Variants in ZFAND2A observed in about 807,000 individuals in gnomAD.
ZFAND2A encodes zinc finger AN1-type containing 2A.
A neutral mutation model predicts 11.6 loss-of-function variants in ZFAND2A; 20 were observed. The ratio of observed to expected loss-of-function variants is 1.72; its 90% CI spans 1.21 to 2.50. The LOEUF is 2.50. Among genes scored for constraint, ZFAND2A ranks in the 30% most tolerant of loss-of-function variants. The pLI, the probability that ZFAND2A is intolerant of heterozygous loss-of-function variation, is 0.00. For synonymous variants in ZFAND2A, 93 were observed against 60.6 expected (o/e 1.54, Z -2.48); for missense variants, 234 against 182.9 (o/e 1.28, Z -1.61).
downstream of ZFAND2A, among the ~76,000 whole-genome samples, chr7:1,150,014 G>A (rs1347171797): frequency 3.3e-5 from 5 of 151,872 alleles, no homozygotes; most frequent in Admixed American, 6.6e-5. Flanking sequence ...CACCACGCCC[G>A]GCTAATTTTT....
Position 1,152,981 on chromosome 7 carries a change from GCTCAATGGGGCTCCA to G in ZFAND2A, c.*73_*87del, listed in dbSNP as rs769831181. On this transcript the variant is annotated 3_prime_UTR_variant, in exon 5 of 5. Coordinates refer to ENST00000316495, the MANE Select transcript of ZFAND2A (RefSeq NM_182491.4). ...AGATCAGCAGCCAGTGTGGGATGGT[GCTCAATGGGGCTCCA>G]CTTCCCACTAGAGTGTAAGCTGCTT... The G allele has an allele frequency of 6.5e-7, 1 of 1,542,088 alleles. No homozygotes were observed. The highest frequency in any genetic ancestry group is 1.2e-5 in the South Asian group (1 of 86,522).
downstream of ZFAND2A, chr7:1,152,288 G>A (rs766004987): frequency 4.6e-5 from 73 of 1,585,294 alleles, no homozygotes; most frequent in Non-Finnish European, 5.3e-5. Context: ...CCCGCCAGGA[G>A]CCAGGGTGAG....
In ZFAND2A at chr7:1,155,698, G is replaced by A. The variant is rs79673567; in HGVS notation, c.151-114C>T. ...TAAACACAAAGAGAGGACAAAAACC[G>A]GTCTCCCGAGCCCTCCGAGAACAAA... On this transcript the variant is annotated intron_variant, in intron 3 of 4. Coordinates refer to ENST00000316495, the MANE Select transcript of ZFAND2A (RefSeq NM_182491.4). The A allele has an allele frequency of 0.02, 27,446 of 1,379,066 alleles. 1,143 individuals carry two copies. The East Asian group carries it at 0.2, about 10-fold the overall frequency. The allele number at this position is 1,379,066 out of a possible 1,614,324, so 85.4% of individuals were successfully genotyped here.
intron 2 of ZFAND2A, 102 bp downstream of exon 2, chr7:1,158,056 G>C: frequency 8.5e-7 from 1 of 1,170,726 alleles, no homozygotes; most frequent in Non-Finnish European, 1.3e-6. Context: ...CCAATACTGA[G>C]GAGCCAGGAA....
chr7:1,150,934 C>G (rs1164060999), downstream of ZFAND2A, among the ~76,000 whole-genome samples: 1 of 146,516 alleles, frequency 6.8e-6, no homozygotes, highest in Non-Finnish European at 1.5e-5. Context: ...GTTGCCCAGG[C>G]TGGAGTGCAG....
At chr7:1,158,281 G>C in intron 1 of ZFAND2A, 24 bp from the exon 2 acceptor site, 1 of 1,476,832 alleles carries the variant, frequency 6.8e-7, no homozygotes. Context: ...AGAATAGTTA[G>C]GAGGAAAGCT....
intron 1 of ZFAND2A, among the ~76,000 whole-genome samples, chr7:1,158,905 T>C (rs986722835): frequency 4.6e-5 from 7 of 152,090 alleles, no homozygotes; most frequent in African/African-American, 1.4e-4. Flanking sequence ...TTCCTGGGGC[T>C]CACGAGGTCC....
At chr7:1,153,953 GA>G (rs201850008) in intron 4 of ZFAND2A, among the ~76,000 whole-genome samples, 3 of 146,580 alleles carry the variant, frequency 2.0e-5, no homozygotes, top group Non-Finnish European at 3.0e-5. Flanking sequence ...TAAAAAGAAA[GA>G]AAAAAAAAAG....
intron 3 of ZFAND2A, 72 bp from the exon 4 acceptor site, chr7:1,155,656 C>CA: frequency 6.4e-7 from 1 of 1,563,882 alleles, no homozygotes; most frequent in Admixed American, 1.8e-5. Context: ...TAAACGAGTA[C>CA]TCCTGTGCGG....
In ZFAND2A at chr7:1,153,578, T is replaced by TG. The variant is rs1275675211; in HGVS notation, c.283-355_283-354insC. Reference sequence around the variant, plus strand: ...ACAGCCTCCGGTAAGAACATTCCCATTTAAACTGGACACAGTTCCTGTCTG... The same window carrying TG: ...ACAGCCTCCGGTAAGAACATTCCCATGTTAAACTGGACACAGTTCCTGTCTG... On this transcript the variant is annotated intron_variant, in intron 4 of 4. Coordinates refer to ENST00000316495, the MANE Select transcript of ZFAND2A (RefSeq NM_182491.4). Among the ~76,000 whole-genome samples, 19 of 152,302 alleles carry TG rather than the reference T, an allele frequency of 1.2e-4. No homozygotes were observed. In the East Asian group the frequency reaches 3.7e-3, roughly 29 times the overall value.
downstream of ZFAND2A, among the ~76,000 whole-genome samples, chr7:1,149,909 A>G (rs1284015179): frequency 6.7e-6 from 1 of 150,130 alleles, no homozygotes; most frequent in East Asian, 2.0e-4. Context: ...CTGGAGTGCA[A>G]TGGCACGATC....
rs78571969 is a variant in ZFAND2A, at chr7:1,153,044, C to T, written c.*25G>A. 0.016 allele frequency: 26,143 copies of T among 1,613,902 alleles called. 255 individuals carry two copies. The highest frequency in any genetic ancestry group is 0.019 in the Non-Finnish European group (21,841 of 1,179,888). ...CTTCCACGCATGCTACTGCGTGCTC[C>T]GAGCCATCGCAGCGGAGTCTCTTCT... On this transcript the variant is annotated 3_prime_UTR_variant, in exon 5 of 5. Coordinates refer to ENST00000316495, the MANE Select transcript of ZFAND2A (RefSeq NM_182491.4).
intron 4 of ZFAND2A, among the ~76,000 whole-genome samples, chr7:1,155,229 C>T (rs569953998): frequency 5.3e-5 from 8 of 152,252 alleles, no homozygotes; most frequent in African/African-American, 1.9e-4. Context: ...AAATTCCAGT[C>T]AAGAAAGACG....
In ZFAND2A at chr7:1,155,376, T is replaced by C. The variant is rs1793497722; in HGVS notation, c.282+77A>G. ...GTACATAAACTATTGGGAGTAATTT[T>C]CAGGTAGCAAACTGACTCTTCCCAA... On this transcript the variant is annotated intron_variant, in intron 4 of 4. Transcript: ENST00000316495. 8 of 1,568,780 alleles carry C rather than the reference T, an allele frequency of 5.1e-6. No individual in the cohort carries two copies. In the South Asian group the frequency reaches 9.3e-5, roughly 18 times the overall value.
intron 1 of ZFAND2A, among the ~76,000 whole-genome samples, chr7:1,159,146 C>G (rs559051086): frequency 6.6e-6 from 1 of 152,226 alleles, no homozygotes; most frequent in African/African-American, 2.4e-5. Flanking sequence ...TTTCCCAGCC[C>G]TCCTTCGCCC....
chr7:1,152,208 G>A, downstream of ZFAND2A: 5 of 1,533,128 alleles, frequency 3.3e-6, no homozygotes, highest in Non-Finnish European at 3.5e-6. Context: ...ACCAAGAGCT[G>A]CAGCACCCCA....
In ZFAND2A at chr7:1,157,741, G is replaced by A. The variant is rs765588670; in HGVS notation, c.65C>T (p.Pro22Leu). Residue 22 changes from proline (P) to leucine (L), a missense_variant, in exon 3 of 5, where the codon CCA becomes CTA. Transcript: ENST00000316495. ...EKTCKQLDFL[P>L]VKCDACKQDF... is the part of the protein sequence containing the mutation. ...TTGTTTACATGCATCACATTTTACT[G>A]GAAGAAAATCTAAAAAACAAAAAAC... 8 of 1,550,930 alleles carry A rather than the reference G, an allele frequency of 5.2e-6. No homozygotes were observed. The highest frequency in any genetic ancestry group is 2.3e-5 in the Admixed American group (1 of 43,906).
At chr7:1,154,416 CG>C (rs1793473559) in intron 4 of ZFAND2A, among the ~76,000 whole-genome samples, 1 of 152,112 alleles carries the variant, frequency 6.6e-6, no homozygotes, top group Non-Finnish European at 1.5e-5. Context: ...AGGAGCACAG[CG>C]GGCCAGGAGC....
At chr7:1,150,819 C>G (rs1232590619), downstream of ZFAND2A, among the ~76,000 whole-genome samples, 1 of 151,636 alleles carries the variant, frequency 6.6e-6, no homozygotes, top group East Asian at 1.9e-4. Context: ...TTGCAACTTT[C>G]TTGTTGGTGC....
Sources: gnomAD v4.1 joint callset for allele counts (sites outside exome capture counted in the v4.1 genomes callset) on GRCh38, gnomAD v4.1.1 for gene constraint, MANE v1.5 for transcripts, NCBI Gene and HGNC (gene_info 2026-07-23, HGNC 2026-07-21) for gene names.